Variants in SPOCK1 observed in about 807,000 individuals in gnomAD.
SPOCK1 encodes the protein SPARC (osteonectin), cwcv and kazal like domains proteoglycan 1.
In SPOCK1, 23 loss-of-function variants were observed where a neutral mutation model predicts 55.3. The ratio of observed to expected loss-of-function variants is 0.42; its 90% CI spans 0.30 to 0.59. SPOCK1 has a LOEUF of 0.59. Among genes scored for constraint, SPOCK1 ranks in the 20% least tolerant of loss-of-function variants. The pLI is 0.22. For missense variants in SPOCK1, 499 were observed against 552.5 expected (o/e 0.90, Z 0.97); for synonymous variants, 226 against 221.0 (o/e 1.02, Z -0.20).
chr5:137,092,004 G>T (rs982569451), intron 5 of SPOCK1, among the ~76,000 whole-genome samples: 2 of 151,914 alleles, frequency 1.3e-5, no homozygotes, highest in African/African-American at 4.8e-5. Context: ...CTCAGTGGGC[G>T]ACAGAGACCT....
intron 2 of SPOCK1, among the ~76,000 whole-genome samples, chr5:137,428,281 C>A (rs1320543229): frequency 6.6e-6 from 1 of 152,178 alleles, no homozygotes; most frequent in African/African-American, 2.4e-5. Flanking sequence ...AACCTTCATT[C>A]AGCCTTTTAA....
At chr5:137,341,129 G>A (rs376210093) in intron 2 of SPOCK1, among the ~76,000 whole-genome samples, 2 of 152,168 alleles carry the variant, frequency 1.3e-5, no homozygotes, top group Non-Finnish European at 1.5e-5. Context: ...CACCATCCAG[G>A]CCACAGTCTC....
intron 3 of SPOCK1, among the ~76,000 whole-genome samples, chr5:137,165,622 C>CA (rs1249730076): frequency 6.6e-6 from 1 of 152,086 alleles, no homozygotes; most frequent in Non-Finnish European, 1.5e-5. Flanking sequence ...ACCTTTCAGA[C>CA]AGAGAATTCA....
intron 5 of SPOCK1, among the ~76,000 whole-genome samples, chr5:137,105,115 G>C (rs1197390558): frequency 1.3e-5 from 2 of 152,190 alleles, no homozygotes; most frequent in Non-Finnish European, 2.9e-5. Context: ...CCTCAGTGCT[G>C]CACAGATGGG....
chr5:137,141,503 C>A (rs1411333973), intron 3 of SPOCK1, among the ~76,000 whole-genome samples: 1 of 152,040 alleles, frequency 6.6e-6, no homozygotes, highest in Admixed American at 6.6e-5. Context: ...AGTTTTGTGC[C>A]GCACAAAGTT....
intron 3 of SPOCK1, among the ~76,000 whole-genome samples, chr5:137,158,912 C>T (rs996454404): frequency 4.6e-5 from 7 of 152,168 alleles, no homozygotes; most frequent in Admixed American, 6.5e-5. Context: ...CTTCTCCAGG[C>T]TCCACAGGGG....
intron 2 of SPOCK1, among the ~76,000 whole-genome samples, chr5:137,389,403 T>C (rs1450676294): frequency 6.6e-6 from 1 of 152,248 alleles, no homozygotes; most frequent in African/African-American, 2.4e-5. Flanking sequence ...AGTGCATCAC[T>C]GCACAAAACA....
chr5:137,243,947 A>G (rs1187071756), intron 3 of SPOCK1, among the ~76,000 whole-genome samples: 1 of 152,236 alleles, frequency 6.6e-6, no homozygotes, highest in Non-Finnish European at 1.5e-5. Context: ...TTATTTAACC[A>G]GATAAAAGCA....
chr5:137,150,885 T>C (rs1441970436), intron 3 of SPOCK1, among the ~76,000 whole-genome samples: 1 of 152,188 alleles, frequency 6.6e-6, no homozygotes, highest in Non-Finnish European at 1.5e-5. Context: ...TGGCAGCCTA[T>C]GGAACACAGC....
intron 3 of SPOCK1, among the ~76,000 whole-genome samples, chr5:137,142,588 A>C (rs1163144891): frequency 6.6e-6 from 1 of 152,210 alleles, no homozygotes; most frequent in African/African-American, 2.4e-5. Context: ...CTTGGAGCTT[A>C]GCAGAAAGAA....
At chr5:137,091,293 G>C (rs564587939) in intron 5 of SPOCK1, among the ~76,000 whole-genome samples, 2 of 152,336 alleles carry the variant, frequency 1.3e-5, no homozygotes, top group African/African-American at 4.8e-5. Flanking sequence ...AGTAGGTGCT[G>C]TGAATATAAA....
At chr5:137,374,842 C>G (rs1188079384) in intron 2 of SPOCK1, among the ~76,000 whole-genome samples, 1 of 151,930 alleles carries the variant, frequency 6.6e-6, no homozygotes, top group Admixed American at 6.6e-5. Context: ...AGTAATTTTT[C>G]CAAGAATGTA....
chr5:137,245,776 CA>C (rs143599362), intron 3 of SPOCK1, among the ~76,000 whole-genome samples: 4 of 140,868 alleles, frequency 2.8e-5, no homozygotes, highest in East Asian at 4.4e-4. Context: ...CAAAACAAAA[CA>C]AAAAAAAAAC....
At chr5:137,170,902 C>T (rs1754742927) in intron 3 of SPOCK1, among the ~76,000 whole-genome samples, 1 of 152,134 alleles carries the variant, frequency 6.6e-6, no homozygotes, top group Admixed American at 6.6e-5. Context: ...CCTGAGTGCA[C>T]AGAATCATAG....
intron 3 of SPOCK1, among the ~76,000 whole-genome samples, chr5:137,217,749 G>T (rs1186978615): frequency 1.3e-5 from 2 of 152,140 alleles, no homozygotes; most frequent in Non-Finnish European, 2.9e-5. Flanking sequence ...GCCTGACTCA[G>T]TCATAGCAAT....
chr5:137,160,606 TA>T (rs1754525655), intron 3 of SPOCK1, among the ~76,000 whole-genome samples: 2 of 60,374 alleles, frequency 3.3e-5, no homozygotes, highest in African/African-American at 6.0e-5. Flanking sequence ...ATATTATATA[TA>T]ATATATAATA....
In SPOCK1 at chr5:137,347,716, CAAAACAA is replaced by C. The variant is rs534671116; in HGVS notation, c.187-80668_187-80662del. Among the ~76,000 whole-genome samples the C allele has an allele frequency of 6.4e-3, 973 of 151,690 alleles. 17 individuals are homozygous for C. The highest frequency in any genetic ancestry group is 0.023 in the African/African-American group (933 of 41,354). ...TGGGCAACAGGGCAAGACTCCATCT[CAAAACAA>C]AAAACAAAAAACAAATCAAACAAAC... On this transcript the variant is annotated intron_variant, in intron 2 of 10. Coordinates refer to ENST00000394945, the MANE Select transcript of SPOCK1 (RefSeq NM_004598.4).
intron 6 of SPOCK1, among the ~76,000 whole-genome samples, chr5:137,030,186 G>C (rs1483265484): frequency 6.6e-6 from 1 of 152,246 alleles, no homozygotes; most frequent in African/African-American, 2.4e-5. Context: ...CGGGTAGAGT[G>C]ATGGATGAAG....
intron 6 of SPOCK1, among the ~76,000 whole-genome samples, chr5:137,032,637 C>T (rs896262974): frequency 6.6e-6 from 1 of 152,120 alleles, no homozygotes; most frequent in Non-Finnish European, 1.5e-5. Flanking sequence ...GCCCAGCAAT[C>T]AGCTAAGGCA....
Sources: allele counts gnomAD v4.1 joint callset (sites outside exome capture counted in the v4.1 genomes callset), GRCh38; gene constraint gnomAD v4.1.1; transcripts MANE v1.5; gene names NCBI Gene and HGNC (gene_info 2026-07-23, HGNC 2026-07-21).